The following MLPH variants were observed in gnomAD, a reference collection of about 807,000 sequenced individuals.
MLPH encodes melanophilin.
A neutral mutation model predicts 72.1 loss-of-function variants in MLPH; 51 were observed. The observed-to-expected ratio is 0.71, with a 90% CI of 0.56 to 0.89. The LOEUF is 0.89. Among genes scored for constraint, MLPH ranks in the 40% least tolerant of loss-of-function variants. The pLI, the probability that MLPH is intolerant of heterozygous loss-of-function variation, is 0.00. For synonymous variants in MLPH, 301 were observed against 310.1 expected (o/e 0.97, Z 0.31); for missense variants, 743 against 759.9 (o/e 0.98, Z 0.26).
chr2:237,546,507 A>T (rs2080921330), intron 12 of MLPH, 99 bp from the exon 13 acceptor site: 4 of 1,029,476 alleles, frequency 3.9e-6, no homozygotes, highest in Non-Finnish European at 4.6e-6. Flanking sequence ...CCCAGCATGT[A>T]TAGAGAGCAT....
At chr2:237,501,257 A>G (rs1053469857) in intron 2 of MLPH, among the ~76,000 whole-genome samples, 2 of 152,116 alleles carry the variant, frequency 1.3e-5, no homozygotes, top group African/African-American at 4.8e-5. Flanking sequence ...CTCTGGGCTC[A>G]CATTGGATGA....
intron 13 of MLPH, among the ~76,000 whole-genome samples, chr2:237,547,335 C>T (rs72620832): frequency 0.14 from 19,429 of 142,914 alleles, 1,461 homozygotes; most frequent in East Asian, 0.32. Context: ...AGGAGCTCCC[C>T]GTGTTTAGGT....
At position 237,510,890 on chromosome 2, in the gene MLPH, T is replaced by C. The variant is rs559112308; in HGVS notation, c.332+95T>C. On this transcript the variant is annotated intron_variant, in intron 3 of 15. Transcript: ENST00000264605. This position sits in a 1 kb window ranked among gnomAD's most constrained non-coding sequence, Gnocchi z 4.4. ...AGCTGAAGAAGGGTGGACGCACACATGCACACACTCGTGTGTGTGTGTGTG... is the reference window on the plus strand; with the variant it reads ...AGCTGAAGAAGGGTGGACGCACACACGCACACACTCGTGTGTGTGTGTGTG... 7.2e-5 allele frequency: 107 copies of C among 1,490,022 alleles called. No individual in the cohort carries two copies. Among genetic ancestry groups the C allele is most frequent in the African/African-American group, 5.5e-4 (37 of 67,476 alleles). 92.3% of individuals were successfully genotyped at this position (1,490,022 alleles called of 1,614,324 possible).
chr2:237,515,151 C>T (rs1330702920), intron 4 of MLPH, among the ~76,000 whole-genome samples: 1 of 152,184 alleles, frequency 6.6e-6, no homozygotes, highest in Non-Finnish European at 1.5e-5. Flanking sequence ...CAGAGCTTCC[C>T]AAGGCCCAGT....
chr2:237,524,562 T>C lies in MLPH; in HGVS notation c.676-1039T>C, dbSNP rs553285498. Reference sequence around the variant, plus strand: ...TGGCGGCTGATTAGATGGTGCCCACTTGATTAAGGCTGGGTGTGCCTTCCC... The same window carrying C: ...TGGCGGCTGATTAGATGGTGCCCACCTGATTAAGGCTGGGTGTGCCTTCCC... On this transcript the variant is annotated intron_variant, in intron 6 of 15. Coordinates refer to ENST00000264605, the MANE Select transcript of MLPH (RefSeq NM_024101.7). 2.4e-4 allele frequency among the ~76,000 whole-genome samples: 36 copies of C among 152,212 alleles called. 1 individual carries two copies. The South Asian group carries it at 7.5e-3, about 32-fold the overall frequency.
At chr2:237,545,396 C>A in intron 12 of MLPH, 1 of 1,236,252 alleles carries the variant, frequency 8.1e-7, no homozygotes, top group South Asian at 1.3e-5. Flanking sequence ...AGCCAGTTAG[C>A]CAGCTGTGCC....
chr2:237,528,876 G>A (rs1388560525), intron 8 of MLPH, among the ~76,000 whole-genome samples: 3 of 152,102 alleles, frequency 2.0e-5, no homozygotes, highest in South Asian at 2.1e-4. Flanking sequence ...CTTTTGTCAC[G>A]AGCTCCTTTC....
chr2:237,517,594 C>T (rs1385808483), intron 4 of MLPH, among the ~76,000 whole-genome samples: 5 of 125,818 alleles, frequency 4.0e-5, no homozygotes, highest in African/African-American at 1.2e-4. Context: ...TGGATGAAGT[C>T]GGGAGGGATG....
chr2:237,497,524 G>T (rs754179936), intron 2 of MLPH, among the ~76,000 whole-genome samples: 8 of 152,182 alleles, frequency 5.3e-5, no homozygotes, highest in Admixed American at 2.0e-4. Flanking sequence ...CTTGAGCACC[G>T]CAAGGTCAAA....
intron 7 of MLPH, among the ~76,000 whole-genome samples, chr2:237,526,123 C>T (rs778464680): frequency 1.3e-5 from 2 of 152,226 alleles, no homozygotes; most frequent in African/African-American, 2.4e-5. Flanking sequence ...AACCGGCCAA[C>T]CATCCTGGTC....
At chr2:237,553,247 A>G (rs1164963503) in intron 15 of MLPH, 9 of 514,736 alleles carry the variant, frequency 1.7e-5, no homozygotes, top group Non-Finnish European at 3.0e-5. Flanking sequence ...TTCCATTTTC[A>G]TCTGAGATGC....
At chr2:237,499,119 AAATGGTCAAAGAACAGAT>A (rs1490229788) in intron 2 of MLPH, among the ~76,000 whole-genome samples, 1 of 152,148 alleles carries the variant, frequency 6.6e-6, no homozygotes, top group Non-Finnish European at 1.5e-5. Flanking sequence ...TGGATCTTTT[AAATGGTCAAAGAACAGAT>A]AAATCCTGTG....
chr2:237,524,302 A>T (rs866078687), intron 6 of MLPH, among the ~76,000 whole-genome samples: 33 of 127,344 alleles, frequency 2.6e-4, no homozygotes, highest in African/African-American at 1.2e-3. Flanking sequence ...GAACTAATAG[A>T]ATATATATAT....
At chr2:237,490,770 A>C (rs1262003695) in intron 1 of MLPH, among the ~76,000 whole-genome samples, 1 of 152,178 alleles carries the variant, frequency 6.6e-6, no homozygotes, top group Non-Finnish European at 1.5e-5. Context: ...AGAAACCAGA[A>C]AGTGTGTGCT....
Position 237,518,297 on chromosome 2 carries a change from G to A in MLPH, c.446-242G>A, listed in dbSNP as rs982056679. ...CTGCCCATTGAGTAGGTGGATGAGT[G>A]GATAAATGGGTGGGTGGGTAGGTGA... On this transcript the variant is annotated intron_variant, in intron 4 of 15. Transcript: ENST00000264605. 11 of 601,276 alleles carry A rather than the reference G, an allele frequency of 1.8e-5. No individual in the cohort carries two copies. In the Admixed American group the frequency reaches 2.2e-4, roughly 12 times the overall value. The allele number at this position is 601,276 out of a possible 1,614,324, so 37.2% of individuals were successfully genotyped here.
intron 4 of MLPH, among the ~76,000 whole-genome samples, chr2:237,517,021 ATGGATG>A (rs1559350769): frequency 1.5e-5 from 2 of 133,710 alleles, no homozygotes; most frequent in Non-Finnish European, 3.3e-5. Context: ...GGATGGATGG[ATGGATG>A]GATGGATGGA....
intron 2 of MLPH, among the ~76,000 whole-genome samples, chr2:237,501,663 C>CCAAAAAAAAAA (rs1559337749): frequency 9.8e-6 from 1 of 101,666 alleles, no homozygotes; most frequent in African/African-American, 3.5e-5. Context: ...CACGTCTCTA[C>CCAAAAAAAAAA]TAAAAAAAAA....
chr2:237,547,060 G>A (rs1028888835), intron 13 of MLPH, among the ~76,000 whole-genome samples: 29 of 152,212 alleles, frequency 1.9e-4, no homozygotes, highest in African/African-American at 5.5e-4. Context: ...TTAATTCCGC[G>A]TAGGAGCAAG....
At chr2:237,525,834 A>C in intron 7 of MLPH, 29 bp downstream of exon 7, 1 of 1,602,480 alleles carries the variant, frequency 6.2e-7, no homozygotes, top group Non-Finnish European at 8.5e-7. Flanking sequence ...GGTCTTCCTG[A>C]TGGGCTCGGC....
Sources: gnomAD v4.1 joint callset for allele counts (sites outside exome capture counted in the v4.1 genomes callset) on GRCh38, gnomAD v4.1.1 for gene constraint, Gnocchi (gnomAD v3.1) non-coding constraint, MANE v1.5 for transcripts, NCBI Gene and HGNC (gene_info 2026-07-23, HGNC 2026-07-21) for gene names.